ACER3: variants seen among roughly 807,000 people sequenced by gnomAD.
ACER3 encodes alkaline ceramidase 3.
In ACER3, 16 loss-of-function variants were observed where a neutral mutation model predicts 48.9. The observed-to-expected ratio is 0.33, with a 90% CI of 0.22 to 0.50. The LOEUF (loss-of-function observed/expected upper bound fraction) is 0.50. Among genes scored for constraint, ACER3 ranks in the 20% least tolerant of loss-of-function variants. ACER3 has a pLI of 0.98. For missense variants in ACER3, 227 were observed against 326.0 expected (o/e 0.70, Z 2.34); for synonymous variants, 109 against 107.8 (o/e 1.01, Z -0.07).
At chr11:77,005,994 T>TATATATATATACATATATATATA (rs1272209642) in intron 7 of ACER3, among the ~76,000 whole-genome samples, 3 of 82,150 alleles carry the variant, frequency 3.7e-5, no homozygotes, top group Non-Finnish European at 5.0e-5. Context: ...TATATATATT[T>TATATATATATACATATATATATA]TTTTTTTTTT....
intron 2 of ACER3, among the ~76,000 whole-genome samples, chr11:76,942,313 T>C (rs1947359794): frequency 6.6e-6 from 1 of 152,156 alleles, no homozygotes; most frequent in Admixed American, 6.5e-5. Context: ...TTGTTGTATC[T>C]GGCCTTTATT....
chr11:76,941,992 C>G (rs1005075731), intron 2 of ACER3, among the ~76,000 whole-genome samples: 4 of 151,910 alleles, frequency 2.6e-5, no homozygotes, highest in African/African-American at 9.7e-5. Flanking sequence ...TATAGAAATA[C>G]TATTGATTTA....
chr11:76,968,973 C>T (rs975168323), intron 3 of ACER3, among the ~76,000 whole-genome samples: 91 of 152,242 alleles, frequency 6.0e-4, no homozygotes, highest in Non-Finnish European at 1.2e-3. Context: ...AGCTTCTGCA[C>T]AGCAAAAGAA....
intron 1 of ACER3, among the ~76,000 whole-genome samples, chr11:76,887,980 G>T (rs770911329): frequency 3.3e-5 from 5 of 151,854 alleles, no homozygotes; most frequent in Non-Finnish European, 5.9e-5. Flanking sequence ...ACCACACCTG[G>T]CTAGTTTTTG....
intron 3 of ACER3, among the ~76,000 whole-genome samples, chr11:76,970,305 C>G (rs1384469399): frequency 6.6e-6 from 1 of 152,158 alleles, no homozygotes; most frequent in Non-Finnish European, 1.5e-5. Flanking sequence ...CATATGCCAT[C>G]TAATAGGCTG....
In ACER3 at chr11:77,025,183, T is replaced by C. The variant is rs1949531795; in HGVS notation, c.*4856T>C. On this transcript the variant is annotated 3_prime_UTR_variant, in exon 11 of 11. Transcript: ENST00000532485. ...TAACTCTAAAGTTGCAGCAACCATA[T>C]TTATTAGAGAAATCTTTAAGCATAT... The C allele has an allele frequency of 6.6e-6, 1 of 152,080 alleles. No homozygotes were observed. Among genetic ancestry groups the C allele is most frequent in the Admixed American group, 6.5e-5 (1 of 15,280 alleles). 9.4% of individuals were successfully genotyped at this position (152,080 alleles called of 1,614,324 possible).
chr11:76,967,082 G>T (rs1948158128), intron 3 of ACER3, among the ~76,000 whole-genome samples: 1 of 152,146 alleles, frequency 6.6e-6, no homozygotes, highest in Non-Finnish European at 1.5e-5. Context: ...AAGAAGAAAA[G>T]AGAGAAGAAT....
At chr11:76,936,851 G>A (rs1352822651) in intron 2 of ACER3, among the ~76,000 whole-genome samples, 1 of 151,840 alleles carries the variant, frequency 6.6e-6, no homozygotes, top group Non-Finnish European at 1.5e-5. Context: ...CCGAGTAGCT[G>A]GGATTACAGA....
At chr11:76,982,500 C>A (rs1043921391) in intron 4 of ACER3, among the ~76,000 whole-genome samples, 1 of 152,072 alleles carries the variant, frequency 6.6e-6, no homozygotes, top group South Asian at 2.1e-4. Context: ...CAGGCATGAG[C>A]CACTGTACCC....
At chr11:77,008,798 A>G (rs1949205282) in intron 7 of ACER3, among the ~76,000 whole-genome samples, 1 of 152,170 alleles carries the variant, frequency 6.6e-6, no homozygotes, top group Non-Finnish European at 1.5e-5. Context: ...ACTCATCCCT[A>G]TAATTCCAGC....
At chr11:77,012,793 T>C (rs1246737338) in intron 7 of ACER3, among the ~76,000 whole-genome samples, 1 of 152,196 alleles carries the variant, frequency 6.6e-6, no homozygotes, top group Non-Finnish European at 1.5e-5. Context: ...AAACTGATTC[T>C]GACATTAACA....
intron 2 of ACER3, among the ~76,000 whole-genome samples, chr11:76,943,532 G>A (rs186858780): frequency 3.7e-4 from 56 of 152,026 alleles, no homozygotes; most frequent in African/African-American, 1.3e-3. Context: ...TACTTAATAC[G>A]ATTTTGATTT....
intron 3 of ACER3, among the ~76,000 whole-genome samples, chr11:76,967,696 G>A (rs1948175130): frequency 6.6e-6 from 1 of 152,196 alleles, no homozygotes; most frequent in Non-Finnish European, 1.5e-5. Flanking sequence ...AAAACCACAT[G>A]GTTATCACAA....
chr11:76,872,905 C>CTTT lies in ACER3; in HGVS notation c.103+11829_103+11831dup, dbSNP rs756362938. On this transcript the variant is annotated intron_variant, in intron 1 of 10. Coordinates refer to ENST00000532485, the MANE Select transcript of ACER3 (RefSeq NM_018367.7). Reference sequence around the variant, plus strand: ...TCTTTTCTTTCTTTCTTTCTTTTTTCTTTTTCTTTTTTTTTTTTTTTTTTG... The same window carrying CTTT: ...TCTTTTCTTTCTTTCTTTCTTTTTTCTTTTTTTTCTTTTTTTTTTTTTTTTTTG... 1.9e-3 allele frequency among the ~76,000 whole-genome samples: 184 copies of CTTT among 94,560 alleles called. 24 individuals are homozygous for CTTT. Among genetic ancestry groups the CTTT allele is most frequent in the African/African-American group, 5.2e-3 (124 of 23,726 alleles). The allele number at this position is 94,560 out of a possible 152,430, so 62.0% of individuals were successfully genotyped here. A position where few individuals can be genotyped will look rare whatever the true frequency, so the allele number is the denominator to read the frequency against.
Position 77,022,175 on chromosome 11 carries a change from G to A in ACER3, c.*1848G>A, listed in dbSNP as rs1431452897. 6.6e-6 allele frequency: 1 copy of A among 152,182 alleles called. No individual in the cohort carries two copies. The highest frequency in any genetic ancestry group is 2.4e-5 in the African/African-American group (1 of 41,446). 9.4% of individuals were successfully genotyped at this position (152,182 alleles called of 1,614,324 possible). ...TCTGCATAAAGAGTATATATACAGT[G>A]TAGGATAAAGGCATATCGTACATGG... On this transcript the variant is annotated 3_prime_UTR_variant, in exon 11 of 11. Transcript: ENST00000532485.
chr11:76,955,729 C>G (rs1947822962), intron 2 of ACER3: 1 of 152,386 alleles, frequency 6.6e-6, no homozygotes, highest in African/African-American at 2.4e-5. Context: ...ACATTAGGGG[C>G]TAGAGCTTCA....
chr11:76,998,315 T>C (rs888621690), intron 6 of ACER3, among the ~76,000 whole-genome samples: 1 of 152,098 alleles, frequency 6.6e-6, no homozygotes, highest in African/African-American at 2.4e-5. Context: ...TGAGAAAGAA[T>C]GCCAGGGGAG....
Position 77,025,933 on chromosome 11 carries a change from A to C in ACER3, c.*5606A>C, listed in dbSNP as rs1949544981. 1 of 152,228 alleles carries C rather than the reference A, an allele frequency of 6.6e-6. No individual in the cohort carries two copies. Among genetic ancestry groups the C allele is most frequent in the South Asian group, 2.1e-4 (1 of 4,834 alleles). The allele number at this position is 152,228 out of a possible 1,614,324, so 9.4% of individuals were successfully genotyped here. ...AGAATGAAAATATGTTATTCATTTA[A>C]GACATCTCATGTCTTTGAATGTAAT... On this transcript the variant is annotated 3_prime_UTR_variant, in exon 11 of 11. Coordinates refer to ENST00000532485, the MANE Select transcript of ACER3 (RefSeq NM_018367.7).
chr11:77,016,835 T>C, intron 9 of ACER3, 56 bp downstream of exon 9: 3 of 901,094 alleles, frequency 3.3e-6, no homozygotes, highest in Non-Finnish European at 5.1e-6. Context: ...TTTTTTTTTC[T>C]TTACTCTTTA....
Sources: allele counts gnomAD v4.1 joint callset (sites outside exome capture counted in the v4.1 genomes callset), GRCh38; gene constraint gnomAD v4.1.1; transcripts MANE v1.5; gene names NCBI Gene and HGNC (gene_info 2026-07-23, HGNC 2026-07-21).